The following LRRTM3 variants were observed in gnomAD, a reference collection of about 807,000 sequenced individuals.
LRRTM3 encodes the protein leucine-rich repeat transmembrane neuronal protein 3.
LRRTM3 carries 24 observed loss-of-function variants against 44.7 expected under a neutral mutation model. The ratio of observed to expected loss-of-function variants is 0.54; its 90% CI spans 0.39 to 0.76. The LOEUF (loss-of-function observed/expected upper bound fraction) is 0.76. Among genes scored for constraint, LRRTM3 ranks in the 30% least tolerant of loss-of-function variants. LRRTM3 has a pLI of 0.00. For missense variants in LRRTM3, 587 were observed against 702.2 expected, an observed-to-expected ratio of 0.84 and a Z score of 1.85; for synonymous variants, 277 against 278.7, an observed-to-expected ratio of 0.99 and a Z score of 0.06.
intron 2 of LRRTM3, among the ~76,000 whole-genome samples, chr10:66,995,464 T>C (rs184174580): frequency 9.8e-5 from 15 of 152,318 alleles, no homozygotes; most frequent in Admixed American, 9.8e-4. Context: ...TTTTAATCCA[T>C]TCTCCAAACA....
At chr10:67,045,170 T>C (rs1375897815) in intron 2 of LRRTM3, among the ~76,000 whole-genome samples, 1 of 152,180 alleles carries the variant, frequency 6.6e-6, no homozygotes, top group African/African-American at 2.4e-5. Flanking sequence ...AAATACAAAA[T>C]GTTTTGTATT....
intron 2 of LRRTM3, among the ~76,000 whole-genome samples, chr10:67,006,796 A>AT (rs1852017137): frequency 9.3e-6 from 1 of 107,374 alleles, no homozygotes; most frequent in South Asian, 3.3e-4. Context: ...TACAGTCTTA[A>AT]ATTTTTTTTT....
chr10:67,092,885 A>G (rs1388169886), intron 2 of LRRTM3, among the ~76,000 whole-genome samples: 1 of 152,024 alleles, frequency 6.6e-6, no homozygotes, highest in Non-Finnish European at 1.5e-5. Context: ...TTCCTAAGGG[A>G]ATTTCCTAAA....
intron 2 of LRRTM3, among the ~76,000 whole-genome samples, chr10:66,953,521 G>T (rs1848642848): frequency 6.6e-6 from 1 of 152,036 alleles, no homozygotes; most frequent in South Asian, 2.1e-4. Context: ...CTTCCAGAAA[G>T]ACTCTTTGCT....
At chr10:67,085,024 G>A (rs1402368773) in intron 2 of LRRTM3, among the ~76,000 whole-genome samples, 5 of 151,886 alleles carry the variant, frequency 3.3e-5, no homozygotes, top group African/African-American at 1.2e-4. Context: ...TGATACTGAA[G>A]ATCTTAACCT....
At chr10:67,016,141 C>T (rs1297349915) in intron 2 of LRRTM3, among the ~76,000 whole-genome samples, 1 of 152,078 alleles carries the variant, frequency 6.6e-6, no homozygotes, top group Non-Finnish European at 1.5e-5. Context: ...ATGTGTGAAA[C>T]AGAAAATGGT....
chr10:66,957,198 A>G (rs1422898620), intron 2 of LRRTM3, among the ~76,000 whole-genome samples: 1 of 152,004 alleles, frequency 6.6e-6, no homozygotes, highest in East Asian at 1.9e-4. Flanking sequence ...TTTATCAAAG[A>G]TATCTCCCAC....
intron 2 of LRRTM3, among the ~76,000 whole-genome samples, chr10:67,023,145 C>G (rs1853138206): frequency 6.6e-6 from 1 of 151,904 alleles, no homozygotes; most frequent in Non-Finnish European, 1.5e-5. Flanking sequence ...CAAGTAGATT[C>G]TAATATTTAT....
intron 2 of LRRTM3, among the ~76,000 whole-genome samples, chr10:67,042,929 G>A (rs965929990): frequency 6.6e-6 from 1 of 152,044 alleles, no homozygotes; most frequent in African/African-American, 2.4e-5. Flanking sequence ...ATATTCGAAC[G>A]CTATAAAAGA....
intron 2 of LRRTM3, among the ~76,000 whole-genome samples, chr10:66,978,959 C>CG (rs1564808868): frequency 1.2e-4 from 15 of 128,358 alleles, no homozygotes; most frequent in African/African-American, 4.3e-4. Flanking sequence ...ATACTTATTT[C>CG]CTTTTTTTTT....
intron 2 of LRRTM3, among the ~76,000 whole-genome samples, chr10:66,952,226 A>G (rs1056701839): frequency 2.0e-5 from 3 of 152,228 alleles, no homozygotes; most frequent in Non-Finnish European, 4.4e-5. Flanking sequence ...CAAAATGAAA[A>G]GAATACTCAT....
At chr10:67,038,157 A>G (rs1294421978) in intron 2 of LRRTM3, among the ~76,000 whole-genome samples, 3 of 152,146 alleles carry the variant, frequency 2.0e-5, no homozygotes, top group Non-Finnish European at 2.9e-5. Context: ...TATTATATTT[A>G]TAAAGATTAT....
At chr10:67,076,558 G>A (rs745527664) in intron 2 of LRRTM3, among the ~76,000 whole-genome samples, 1 of 152,152 alleles carries the variant, frequency 6.6e-6, no homozygotes, top group Non-Finnish European at 1.5e-5. Context: ...ACATAGAGAA[G>A]CCTGACTTTT....
rs1042700503 is a variant in LRRTM3, at chr10:67,097,873, T to C, written c.*77T>C. On this transcript the variant is annotated 3_prime_UTR_variant, in exon 3 of 3. Transcript: ENST00000361320. ...CAAAATGAGGAAGATGTGTTCATTGTGGACTCTAAAAACAAAACAAAACAC... is the reference window on the plus strand; with the variant it reads ...CAAAATGAGGAAGATGTGTTCATTGCGGACTCTAAAAACAAAACAAAACAC... The C allele has an allele frequency of 7.5e-7, 1 of 1,325,788 alleles. No homozygotes were observed. The highest frequency in any genetic ancestry group is 1.1e-6 in the Non-Finnish European group (1 of 931,918). 82.1% of individuals were successfully genotyped at this position (1,325,788 alleles called of 1,614,324 possible).
chr10:66,980,602 C>T (rs1406583251), intron 2 of LRRTM3, among the ~76,000 whole-genome samples: 2 of 152,126 alleles, frequency 1.3e-5, no homozygotes, highest in East Asian at 1.9e-4. Flanking sequence ...TGAGTAGCAA[C>T]GTGGCAGATG....
At chr10:67,045,941 CA>C (rs1854717927) in intron 2 of LRRTM3, among the ~76,000 whole-genome samples, 1 of 152,156 alleles carries the variant, frequency 6.6e-6, no homozygotes, top group Middle Eastern at 3.2e-3. Flanking sequence ...TCGAGTAGGT[CA>C]GATTTCTTTT....
chr10:66,954,205 C>T (rs983080541), intron 2 of LRRTM3, among the ~76,000 whole-genome samples: 2 of 152,114 alleles, frequency 1.3e-5, no homozygotes, highest in African/African-American at 4.8e-5. Flanking sequence ...TTTCTTAATA[C>T]ATTTCAGTAT....
intron 2 of LRRTM3, among the ~76,000 whole-genome samples, chr10:66,993,578 C>G (rs926570541): frequency 2.0e-5 from 3 of 151,852 alleles, no homozygotes; most frequent in Admixed American, 2.0e-4. Flanking sequence ...TTAGAATTAA[C>G]TTGTCTGGTT....
chr10:67,065,980 T>C (rs114187959), intron 2 of LRRTM3, among the ~76,000 whole-genome samples: 1,987 of 152,208 alleles, frequency 0.013, 49 homozygotes, highest in African/African-American at 0.045. Flanking sequence ...ATGTCAACTA[T>C]GATTGTCATA....
Sources: allele counts gnomAD v4.1 joint callset (sites outside exome capture counted in the v4.1 genomes callset), GRCh38; gene constraint gnomAD v4.1.1; transcripts MANE v1.5; gene names NCBI Gene and HGNC (gene_info 2026-07-23, HGNC 2026-07-21).